The following COL25A1 variants were observed in gnomAD, a reference collection of about 807,000 sequenced individuals.
The protein encoded by COL25A1 is collagen alpha-1(XXV) chain.
COL25A1 carries 103 observed loss-of-function variants against 128.4 expected under a neutral mutation model. The observed-to-expected ratio is 0.80, with a 90% confidence interval of 0.68 to 0.94. The LOEUF is 0.94. Ranked by LOEUF, COL25A1 falls within the 40% of genes least tolerant of loss-of-function variation. The pLI is 0.00. For missense variants in COL25A1, 745 were observed against 840.0 expected (o/e 0.89, Z 1.40); for synonymous variants, 279 against 277.2 (o/e 1.01, Z -0.06).
chr4:109,011,790 G>A (rs1409594556), intron 5 of COL25A1, among the ~76,000 whole-genome samples: 5 of 152,176 alleles, frequency 3.3e-5, no homozygotes, highest in Admixed American at 6.5e-5. Context: ...GATCAACTAT[G>A]GTACAAGAGC....
At chr4:109,162,157 G>A (rs747022422) in intron 3 of COL25A1, among the ~76,000 whole-genome samples, 1 of 152,130 alleles carries the variant, frequency 6.6e-6, no homozygotes, top group Non-Finnish European at 1.5e-5. Flanking sequence ...AGATATAACA[G>A]GGGAAATATA....
intron 5 of COL25A1, among the ~76,000 whole-genome samples, chr4:109,011,170 A>T (rs1370058068): frequency 6.6e-6 from 1 of 152,226 alleles, no homozygotes; most frequent in Non-Finnish European, 1.5e-5. Context: ...TTTGTATCAG[A>T]TGAGATTAAA....
intron 3 of COL25A1, among the ~76,000 whole-genome samples, chr4:109,248,351 C>T (rs1780419907): frequency 6.6e-6 from 1 of 151,994 alleles, no homozygotes; most frequent in Admixed American, 6.6e-5. Flanking sequence ...ACAAGTGTGT[C>T]CAGAATATAT....
At chr4:109,284,521 C>T (rs147609615) in intron 3 of COL25A1, among the ~76,000 whole-genome samples, 1 of 152,302 alleles carries the variant, frequency 6.6e-6, no homozygotes, top group Non-Finnish European at 1.5e-5. Flanking sequence ...AAATGGATCA[C>T]TGTAAAAATG....
rs181829061 is a variant in COL25A1, at chr4:109,021,619, T to G, written c.421-11244A>C. Among the ~76,000 whole-genome samples, 188 of 152,260 alleles carry G rather than the reference T, an allele frequency of 1.2e-3. No homozygotes were observed. In the Middle Eastern group the frequency reaches 0.017, roughly 14 times the overall value. ...TTTAAGGAATAAGGGAAGACAACCA[T>G]AAGGTCTGACTGCCTGTGGGGTCGG... is the stretch of plus-strand genomic sequence containing the variant. On this transcript the variant is annotated intron_variant, in intron 5 of 37. Transcript: ENST00000399132.
At chr4:109,012,692 C>T (rs1158028588) in intron 5 of COL25A1, among the ~76,000 whole-genome samples, 1 of 152,194 alleles carries the variant, frequency 6.6e-6, no homozygotes, top group Non-Finnish European at 1.5e-5. Flanking sequence ...TGAATTCTCA[C>T]CGGGCCTCAG....
chr4:109,211,289 ACTAT>A (rs1349286901), intron 3 of COL25A1, among the ~76,000 whole-genome samples: 3 of 32,378 alleles, frequency 9.3e-5, no homozygotes, highest in Non-Finnish European at 1.7e-4. Context: ...TATATATGAA[ACTAT>A]ATATATATAT....
At chr4:109,255,703 T>C (rs1781029419) in intron 3 of COL25A1, among the ~76,000 whole-genome samples, 1 of 152,184 alleles carries the variant, frequency 6.6e-6, no homozygotes, top group South Asian at 2.1e-4. Flanking sequence ...GACAGAAAAA[T>C]GAAAATAGCA....
chr4:109,225,996 TAC>T (rs10642927), intron 3 of COL25A1, among the ~76,000 whole-genome samples: 50,320 of 146,684 alleles, frequency 0.34, 8,749 homozygotes, highest in African/African-American at 0.4. Context: ...GTATTTGTAA[TAC>T]ACACACACAC....
chr4:108,920,511 C>A, intron 12 of COL25A1, 67 bp downstream of exon 12: 2 of 1,245,362 alleles, frequency 1.6e-6, no homozygotes, highest in South Asian at 1.4e-5. Context: ...ATTTCATTCA[C>A]CTCTCCTGCT....
intron 6 of COL25A1, among the ~76,000 whole-genome samples, chr4:108,976,324 AC>A (rs1243689159): frequency 6.6e-6 from 1 of 152,216 alleles, no homozygotes; most frequent in Non-Finnish European, 1.5e-5. Context: ...TTAACCAAAC[AC>A]CATTTCTTGA....
chr4:108,905,857 G>C (rs4956222), intron 13 of COL25A1, among the ~76,000 whole-genome samples: 67,376 of 148,280 alleles, frequency 0.45, 17,932 homozygotes, highest in East Asian at 0.93. Flanking sequence ...TGTCGGGGGG[G>C]GGTGCGGGGG....
At chr4:109,020,659 T>C (rs1757650122) in intron 5 of COL25A1, among the ~76,000 whole-genome samples, 1 of 152,176 alleles carries the variant, frequency 6.6e-6, no homozygotes, top group East Asian at 1.9e-4. Flanking sequence ...AAATATTATA[T>C]TTTCTAACAC....
chr4:109,069,695 C>A (rs1431875079), intron 3 of COL25A1, among the ~76,000 whole-genome samples: 1 of 152,154 alleles, frequency 6.6e-6, no homozygotes, highest in Non-Finnish European at 1.5e-5. Flanking sequence ...CAAGCCAAGA[C>A]AAGAACACTT....
At chr4:108,913,722 T>C (rs1017437536) in intron 13 of COL25A1, among the ~76,000 whole-genome samples, 2 of 152,212 alleles carry the variant, frequency 1.3e-5, no homozygotes, top group African/African-American at 4.8e-5. Flanking sequence ...TTCAGATTTT[T>C]AAAAACCAAC....
chr4:108,870,167 G>C (rs71623650), intron 19 of COL25A1, among the ~76,000 whole-genome samples: 6,339 of 152,170 alleles, frequency 0.042, 159 homozygotes, highest in Non-Finnish European at 0.052. Flanking sequence ...GAGGCGGGAG[G>C]ATCGTTTGAG....
chr4:108,875,572 G>A (rs937675748), intron 19 of COL25A1, among the ~76,000 whole-genome samples: 1 of 152,192 alleles, frequency 6.6e-6, no homozygotes, highest in African/African-American at 2.4e-5. Flanking sequence ...GCACATGCTG[G>A]AGAGGATGTG....
At chr4:108,890,445 A>C (rs1008019203) in intron 16 of COL25A1, among the ~76,000 whole-genome samples, 2 of 152,232 alleles carry the variant, frequency 1.3e-5, no homozygotes, top group Non-Finnish European at 2.9e-5. Context: ...ACTGTGTTCC[A>C]GCCAGATTTC....
chr4:109,251,809 C>T (rs1487378356), intron 3 of COL25A1, among the ~76,000 whole-genome samples: 1 of 152,138 alleles, frequency 6.6e-6, no homozygotes, highest in Non-Finnish European at 1.5e-5. Flanking sequence ...GATTCCTAGA[C>T]CCATAAATTC....
Sources: allele counts gnomAD v4.1 joint callset (sites outside exome capture counted in the v4.1 genomes callset), GRCh38; gene constraint gnomAD v4.1.1; transcripts MANE v1.5; gene names NCBI Gene and HGNC (gene_info 2026-07-23, HGNC 2026-07-21).